Variants in THSD4 observed in about 807,000 individuals in gnomAD.
The protein encoded by THSD4 is thrombospondin type 1 domain containing 4, also known as thrombospondin type-1 domain-containing protein 4.
THSD4 carries 69 observed loss-of-function variants against 119.0 expected under a neutral mutation model. The ratio of observed to expected loss-of-function variants is 0.58; its 90% CI spans 0.48 to 0.71. The LOEUF (loss-of-function observed/expected upper bound fraction) is 0.71, where lower values mean the gene tolerates loss of function less well. THSD4 is among the 30% of genes least tolerant of loss of function. The pLI, the probability that THSD4 is intolerant of heterozygous loss-of-function variation, is 0.00. For synonymous variants in THSD4, 524 were observed against 540.4 expected (o/e 0.97, Z 0.42); for missense variants, 1,393 against 1,391.1 (o/e 1.00, Z -0.02).
At chr15:71,726,804 G>A (rs1223528441) in intron 8 of THSD4, among the ~76,000 whole-genome samples, 1 of 152,156 alleles carries the variant, frequency 6.6e-6, no homozygotes. Flanking sequence ...GAGCATGGTG[G>A]TGAATGCCTG....
chr15:71,532,853 T>C (rs1318489541), intron 7 of THSD4, among the ~76,000 whole-genome samples: 1 of 152,208 alleles, frequency 6.6e-6, no homozygotes, highest in Non-Finnish European at 1.5e-5. Context: ...TGAAGACCCT[T>C]GGAAGAAAAC....
At chr15:71,305,791 T>C (rs1274971542) in intron 6 of THSD4, among the ~76,000 whole-genome samples, 1 of 152,128 alleles carries the variant, frequency 6.6e-6, no homozygotes, top group African/African-American at 2.4e-5. Flanking sequence ...CATGTGTCAC[T>C]AACCAAGGGG....
intron 7 of THSD4, among the ~76,000 whole-genome samples, chr15:71,569,261 C>T (rs1003077183): frequency 6.6e-6 from 1 of 151,804 alleles, no homozygotes; most frequent in East Asian, 1.9e-4. Flanking sequence ...TTTCATGTTT[C>T]AAGGGAAATG....
chr15:71,603,294 G>A (rs1278146657), intron 7 of THSD4, among the ~76,000 whole-genome samples: 2 of 152,126 alleles, frequency 1.3e-5, no homozygotes, highest in Non-Finnish European at 2.9e-5. Flanking sequence ...AAAGCAAGAG[G>A]GGATCCTGCT....
intron 6 of THSD4, among the ~76,000 whole-genome samples, chr15:71,385,593 TA>T (rs374401030): frequency 0.98 from 149,583 of 152,260 alleles, 73,538 homozygotes; most frequent in Middle Eastern, 1. Context: ...CTAAAGCGAA[TA>T]AATTTGAACC....
At chr15:71,660,347 C>T (rs1445305958) in intron 7 of THSD4, 183 bp from the exon 8 acceptor site, 3 of 655,072 alleles carry the variant, frequency 4.6e-6, no homozygotes, top group Non-Finnish European at 5.2e-6. Context: ...CATTTACCAC[C>T]ACCAAACAAA....
At chr15:71,625,139 C>T (rs1428640469) in intron 7 of THSD4, among the ~76,000 whole-genome samples, 2 of 151,996 alleles carry the variant, frequency 1.3e-5, no homozygotes, top group East Asian at 1.9e-4. Flanking sequence ...CCCAAGTAGC[C>T]AGGACTGCAG....
intron 8 of THSD4, among the ~76,000 whole-genome samples, chr15:71,721,005 G>A (rs1203489911): frequency 1.3e-5 from 2 of 152,234 alleles, no homozygotes; most frequent in Non-Finnish European, 2.9e-5. Context: ...TCTCCTGTAA[G>A]GAAACCAGCT....
intron 17 of THSD4, among the ~76,000 whole-genome samples, chr15:71,772,049 A>C (rs1011672033): frequency 1.3e-5 from 2 of 152,208 alleles, no homozygotes; most frequent in Non-Finnish European, 2.9e-5. Flanking sequence ...ATGCACCCCC[A>C]GGTATAGTCA....
rs906033041 is a variant in THSD4 at position 71,779,195 on chromosome 15, A to G, written c.*1821A>G. The G allele has an allele frequency of 2.6e-5, 4 of 152,058 alleles. No individual in the cohort carries two copies. Among genetic ancestry groups the G allele is most frequent in the African/African-American group, 7.2e-5 (3 of 41,388 alleles). 9.4% of individuals were successfully genotyped at this position (152,058 alleles called of 1,614,324 possible). ...TCTCTTCTAGGGAGCCCCAGGCATC[A>G]TTTCCCAAAAGCATCCCCATCTCCT... On this transcript the variant is annotated 3_prime_UTR_variant, in exon 18 of 18. Coordinates refer to ENST00000261862, the MANE Select transcript of THSD4 (RefSeq NM_024817.3).
chr15:71,744,801 G>T (rs764565565), intron 11 of THSD4, among the ~76,000 whole-genome samples: 11 of 152,220 alleles, frequency 7.2e-5, no homozygotes, highest in Non-Finnish European at 1.2e-4. Context: ...TTGTTATCTT[G>T]AACTATAATG....
At chr15:71,236,102 G>T (rs1490143926) in intron 4 of THSD4, among the ~76,000 whole-genome samples, 1 of 152,158 alleles carries the variant, frequency 6.6e-6, no homozygotes, top group African/African-American at 2.4e-5. Context: ...GCCCGTGTGG[G>T]GTTCATGTTA....
chr15:71,148,516 T>A (rs1596225127), intron 2 of THSD4, among the ~76,000 whole-genome samples: 1 of 93,610 alleles, frequency 1.1e-5, no homozygotes. Context: ...ATAGAATGCA[T>A]TTTTTTTTTA....
chr15:71,548,161 T>C (rs1455226072), intron 7 of THSD4, among the ~76,000 whole-genome samples: 4 of 151,600 alleles, frequency 2.6e-5, no homozygotes, highest in Non-Finnish European at 4.4e-5. Flanking sequence ...GGCAAAGAGA[T>C]TGGGATAGAT....
In THSD4 at chr15:71,596,682, A is replaced by G. The variant is rs529752678; in HGVS notation, c.1153-63848A>G. On this transcript the variant is annotated intron_variant, in intron 7 of 17. Transcript: ENST00000261862. ...CTAAAGACAAAAATCTTTAGGCTCA[A>G]TTGGGCCAAATTGTTAATGATAGAA... 3.0e-4 allele frequency among the ~76,000 whole-genome samples: 45 copies of G among 152,310 alleles called. 1 individual carries two copies. The highest frequency in any genetic ancestry group is 2.4e-3 in the Admixed American group (36 of 15,308).
At chr15:71,280,234 G>C (rs997762539) in intron 6 of THSD4, among the ~76,000 whole-genome samples, 2 of 152,156 alleles carry the variant, frequency 1.3e-5, no homozygotes, top group East Asian at 3.9e-4. Flanking sequence ...ACTTATAAAG[G>C]GGAACAGTGT....
chr15:71,391,983 G>A (rs1164642285), intron 6 of THSD4, among the ~76,000 whole-genome samples: 2 of 152,128 alleles, frequency 1.3e-5, no homozygotes, highest in African/African-American at 2.4e-5. Flanking sequence ...CCAAAATGCC[G>A]TGGAACCCAT....
intron 1 of THSD4, among the ~76,000 whole-genome samples, chr15:71,121,602 C>T (rs1330521907): frequency 7.2e-5 from 11 of 152,120 alleles, no homozygotes; most frequent in Admixed American, 4.6e-4. Context: ...CATTACCCTG[C>T]CCCTCGTCTC....
intron 7 of THSD4, among the ~76,000 whole-genome samples, chr15:71,582,393 G>C (rs2049576019): frequency 6.6e-6 from 1 of 152,030 alleles, no homozygotes; most frequent in African/African-American, 2.4e-5. Flanking sequence ...TTAGGGTCTA[G>C]GATTTTCTAT....
Sources: gnomAD v4.1 joint callset for allele counts (sites outside exome capture counted in the v4.1 genomes callset) on GRCh38, gnomAD v4.1.1 for gene constraint, MANE v1.5 for transcripts, NCBI Gene and HGNC (gene_info 2026-07-23, HGNC 2026-07-21) for gene names.